Variants in CCNO observed in about 807,000 individuals in gnomAD.
CCNO encodes the protein cyclin-O.
In CCNO, 24 loss-of-function variants were observed where a neutral mutation model predicts 23.9. That is an observed-to-expected ratio of 1.00 (90% CI 0.73 to 1.41). The LOEUF (loss-of-function observed/expected upper bound fraction) is 1.41. Ranked by LOEUF, CCNO falls within the 40% of genes most tolerant of loss-of-function variation. CCNO has a pLI of 0.00. For synonymous variants in CCNO, 241 were observed against 225.7 expected (o/e 1.07, Z -0.61); for missense variants, 542 against 476.2 (o/e 1.14, Z -1.29).
In CCNO at chr5:55,233,404, C is replaced by T; in HGVS notation, c.120G>A (p.Lys40=). The T allele has an allele frequency of 6.2e-7, 1 of 1,609,902 alleles. No homozygotes were observed. Among genetic ancestry groups the T allele is most frequent in the South Asian group, 1.1e-5 (1 of 90,660 alleles). Residue 40 remains lysine (K), a synonymous_variant, in exon 1 of 3, where the codon AAG becomes AAA. Transcript: ENST00000282572. ...KKSRRPRLRR[K]QPLHPLNPCP... is the part of the protein sequence containing the mutation. ...ACGGGTTCAGGGGATGCAGCGGCTG[C>T]TTCCTCCGGAGGCGCGGACGCCTGC...
chr5:55,231,652 T>TG lies in CCNO; in HGVS notation c.775dup (p.Gln259ProfsTer112), dbSNP rs1164952308. ...CTCTGCCACCCCCCGCGCCAGGGCT[T>TG]GCGCTTCCAGAGCTTCGGAGGCCTC... On this transcript the variant is annotated frameshift_variant, in exon 3 of 3. Transcript: ENST00000282572. LOFTEE classifies it high-confidence loss of function. The TG allele has an allele frequency of 6.3e-7, 1 of 1,584,032 alleles. No individual in the cohort carries two copies. The highest frequency in any genetic ancestry group is 8.6e-7 in the Non-Finnish European group (1 of 1,165,558).
At position 55,231,162 on chromosome 5, in the gene CCNO, C is replaced by T. The variant is rs1745558894; in HGVS notation, c.*213G>A. The T allele has an allele frequency of 1.7e-6, 1 of 596,308 alleles. No individual in the cohort carries two copies. The allele number at this position is 596,308 out of a possible 1,614,324, so 36.9% of individuals were successfully genotyped here. On this transcript the variant is annotated 3_prime_UTR_variant, in exon 3 of 3. Coordinates refer to ENST00000282572, the MANE Select transcript of CCNO (RefSeq NM_021147.5). ...CAGACACTTGCAGGATTTAGACAAA[C>T]CACAACTGTTTATTGGTGAAAGACT...
rs1021501792 is a variant in CCNO at position 55,232,486 on chromosome 5, C to T, written c.442G>A (p.Gly148Ser). Residue 148 changes from glycine (G) to serine (S), a missense_variant, in exon 2 of 3, where the codon GGC (glycine) becomes AGC (serine). By Grantham distance (56) the Gly-to-Ser change is moderately conservative. Transcript: ENST00000282572. ...SWLIPVHRQFGLSFESLCLTV... is the reference protein window; with the variant it reads ...SWLIPVHRQFSLSFESLCLTV... ...AGGCACAGCGACTCGAAGGAGAGGC[C>T]GAATTGGCGGTGCACCGGGATCAGC... 5.0e-6 allele frequency: 8 copies of T among 1,613,768 alleles called. No homozygotes were observed. In the African/African-American group the frequency reaches 1.1e-4, roughly 22 times the overall value.
In CCNO at chr5:55,233,191, C is replaced by T. The variant is rs191035273; in HGVS notation, c.333G>A (p.Ala111=). 4.1e-5 allele frequency: 64 copies of T among 1,553,630 alleles called. No homozygotes were observed. The East Asian group carries it at 7.4e-4, about 18-fold the overall frequency. ...CCCGCGGGTGGAAGTGGCTCTCCTG[C>T]GCCTTGCGGAAGGCGTAGCAGCTCT... ...YGQSCYAFRK[A]QESHFHPREA... is the part of the protein sequence containing the mutation. The change falls in exon 1 of 3, where the codon GCG becomes GCA. Residue 111 remains alanine (A), a synonymous_variant. Transcript: ENST00000282572.
At chr5:55,232,642 C>T in intron 1 of CCNO, 96 bp from the exon 2 acceptor site, 1 of 1,176,462 alleles carries the variant, frequency 8.5e-7, no homozygotes, top group Non-Finnish European at 1.2e-6. Flanking sequence ...GGGAGCTTCC[C>T]AGGAGAGGGG....
At chr5:55,232,854 G>A (rs1745633342) in intron 1 of CCNO, 2 of 587,284 alleles carry the variant, frequency 3.4e-6, no homozygotes, top group South Asian at 2.2e-5. Flanking sequence ...TAAATAACTT[G>A]CCCGAGTTCG....
chr5:55,231,903 G>A, intron 2 of CCNO, 43 bp from the exon 3 acceptor site: 5 of 1,485,428 alleles, frequency 3.4e-6, no homozygotes, highest in Non-Finnish European at 3.6e-6. Flanking sequence ...CGGCTTCCCG[G>A]GCCCCAGGCC....
chr5:55,232,853 T>G, intron 1 of CCNO: 1 of 587,110 alleles, frequency 1.7e-6, no homozygotes, highest in East Asian at 2.8e-5. Context: ...TTAAATAACT[T>G]GCCCGAGTTC....
At position 55,231,276 on chromosome 5, in the gene CCNO, T is replaced by A; in HGVS notation, c.*99A>T. On this transcript the variant is annotated 3_prime_UTR_variant, in exon 3 of 3. Transcript: ENST00000282572. ...TACAACCTGCAGCTGACCAAGCAGG[T>A]CCTGAAGCCTTCTCTGTGGACCAGT... 2 of 1,393,166 alleles carry A rather than the reference T, an allele frequency of 1.4e-6. No individual in the cohort carries two copies. Among genetic ancestry groups the A allele is most frequent in the Non-Finnish European group, 2.0e-6 (2 of 1,006,014 alleles). The allele number at this position is 1,393,166 out of a possible 1,614,324, so 86.3% of individuals were successfully genotyped here.
chr5:55,232,751 G>C (rs913374372), intron 1 of CCNO: 18 of 610,460 alleles, frequency 2.9e-5, no homozygotes, highest in Non-Finnish European at 4.3e-5. Context: ...TGTGCAGAGA[G>C]CGTCGTACAC....
chr5:55,231,870 AG>A lies in CCNO; in HGVS notation c.568-11del. Reference sequence around the variant, plus strand: ...GCGGGTGCACCTCCACCTGCAACACAGGGCGCACTCAACCCCGCTTTGCGGC... The same window carrying A: ...GCGGGTGCACCTCCACCTGCAACACAGGCGCACTCAACCCCGCTTTGCGGC... On this transcript the variant is annotated splice_polypyrimidine_tract_variant and intron_variant, in intron 2 of 2. Coordinates refer to ENST00000282572, the MANE Select transcript of CCNO (RefSeq NM_021147.5). 6.5e-7 allele frequency: 1 copy of A among 1,526,760 alleles called. No homozygotes were observed. The highest frequency in any genetic ancestry group is 8.8e-7 in the Non-Finnish European group (1 of 1,136,322). 94.6% of individuals were successfully genotyped at this position (1,526,760 alleles called of 1,614,324 possible).
chr5:55,233,274 G>A lies in CCNO; in HGVS notation c.250C>T (p.Pro84Ser), dbSNP rs1245659666. ...PSAARGGSPL[P>S]GPAQPVAQLD... ...TGCGCCACGGGCTGGGCCGGGCCGG[G>A]CAGGGGGCTACCACCCCGCGCCGCA... Residue 84 changes from proline to serine, a missense_variant, in exon 1 of 3, where the codon CCC becomes TCC. Coordinates refer to ENST00000282572, the MANE Select transcript of CCNO (RefSeq NM_021147.5). The A allele has an allele frequency of 6.3e-7, 1 of 1,590,876 alleles. No homozygotes were observed. The highest frequency in any genetic ancestry group is 2.3e-5 in the East Asian group (1 of 44,146).
Position 55,231,340 on chromosome 5 carries a change from C to T in CCNO, c.*35G>A, listed in dbSNP as rs772890568. ...GAGGCTACGGGAGAGGTCCAGCAGCCGGGCCAGGGACTAAAAGGAAACGAA... is the reference window on the plus strand; with the variant it reads ...GAGGCTACGGGAGAGGTCCAGCAGCTGGGCCAGGGACTAAAAGGAAACGAA... On this transcript the variant is annotated 3_prime_UTR_variant, in exon 3 of 3. Transcript: ENST00000282572. The T allele has an allele frequency of 6.2e-7, 1 of 1,606,592 alleles. No homozygotes were observed. Among genetic ancestry groups the T allele is most frequent in the Non-Finnish European group, 8.5e-7 (1 of 1,175,400 alleles).
rs1438711868 is a variant in CCNO at position 55,231,875 on chromosome 5, GC to G, written c.568-16del. On this transcript the variant is annotated splice_polypyrimidine_tract_variant and intron_variant, in intron 2 of 2. Coordinates refer to ENST00000282572, the MANE Select transcript of CCNO (RefSeq NM_021147.5). ...TGCACCTCCACCTGCAACACAGGGCGCACTCAACCCCGCTTTGCGGCTTCCC... is the reference window on the plus strand; with the variant it reads ...TGCACCTCCACCTGCAACACAGGGCGACTCAACCCCGCTTTGCGGCTTCCC... 2 of 1,521,376 alleles carry G rather than the reference GC, an allele frequency of 1.3e-6. No individual in the cohort carries two copies. The highest frequency in any genetic ancestry group is 2.0e-5 in the Admixed American group (1 of 49,776). The allele number at this position is 1,521,376 out of a possible 1,614,324, so 94.2% of individuals were successfully genotyped here.
chr5:55,233,428 G>A lies in CCNO; in HGVS notation c.96C>T (p.Ser32=), dbSNP rs1462789217. The stretch of plus-strand genomic sequence containing the variant: ...GCTTCCTCCGGAGGCGCGGACGCCT[G>A]CTCTTCTTCACCGGGGCGCGAAGGT... ...DQNLRAPVKK[S]RRPRLRRKQP... is the part of the protein sequence containing the mutation. Residue 32 remains serine (S), a synonymous_variant, in exon 1 of 3, where the codon AGC becomes AGT. Transcript: ENST00000282572. 6 of 1,607,160 alleles carry A rather than the reference G, an allele frequency of 3.7e-6. No homozygotes were observed. Among genetic ancestry groups the A allele is most frequent in the Admixed American group, 1.7e-5 (1 of 59,450 alleles).
rs1045529098 is a variant in CCNO, at chr5:55,233,126, C to T, written c.381+17G>A. ...AGGAAGAGCGGCGGCGTGGAGCTGG[C>T]TCTACCAGCACCTCACTTGTGGCTG... On this transcript the variant is annotated intron_variant, in intron 1 of 2. Coordinates refer to ENST00000282572, the MANE Select transcript of CCNO (RefSeq NM_021147.5). The T allele has an allele frequency of 1.3e-6, 2 of 1,537,228 alleles. No homozygotes were observed. The highest frequency in any genetic ancestry group is 1.4e-5 in the African/African-American group (1 of 72,678).
intron 1 of CCNO, chr5:55,232,783 A>G (rs1315258466): frequency 1.7e-6 from 1 of 594,644 alleles, no homozygotes; most frequent in Non-Finnish European, 3.0e-6. Context: ...TAATGGGCTC[A>G]GCAATTCAAA....
chr5:55,232,386 G>C lies in CCNO; in HGVS notation c.542C>G (p.Thr181Ser), dbSNP rs779079579. Residue 181 changes from threonine to serine, a missense_variant, in exon 2 of 3, where the codon ACC becomes AGC. Transcript: ENST00000282572. ...AADCFQLLGV[T>S]SLLIACKQVE... Reference sequence around the variant, plus strand: ...CTGTTTGCAAGCGATGAGCAAGGAGGTGACCCCAAGCAGCTGGAAGCAGTC... The same window carrying C: ...CTGTTTGCAAGCGATGAGCAAGGAGCTGACCCCAAGCAGCTGGAAGCAGTC... The C allele has an allele frequency of 1.2e-6, 2 of 1,613,922 alleles. No homozygotes were observed. Among genetic ancestry groups the C allele is most frequent in the Non-Finnish European group, 1.7e-6 (2 of 1,180,024 alleles).
In CCNO at chr5:55,233,391, GA is replaced by G; in HGVS notation, c.132del (p.Leu46Ter). 1 of 1,610,684 alleles carries G rather than the reference GA, an allele frequency of 6.2e-7. No individual in the cohort carries two copies. The highest frequency in any genetic ancestry group is 1.1e-5 in the South Asian group (1 of 90,778). ...CCCGGGAGCGGGCACGGGTTCAGGG[GA>G]TGCAGCGGCTGCTTCCTCCGGAGGC... ...RPRLRRKQPLHPLNPCPLPGD... is the reference protein window; with the variant it reads ...RPRLRRKQPLXPLNPCPLPGD... On this transcript the variant is annotated frameshift_variant, in exon 1 of 3. Transcript: ENST00000282572. LOFTEE classifies it high-confidence loss of function.
Sources: gnomAD v4.1 joint callset for allele counts on GRCh38, gnomAD v4.1.1 for gene constraint, MANE v1.5 for transcripts, NCBI Gene and HGNC (gene_info 2026-07-23, HGNC 2026-07-21) for gene names.